DIAPH2: variants seen among roughly 807,000 people sequenced by gnomAD.
DIAPH2 encodes the protein protein diaphanous homolog 2.
Under a neutral mutation model 92.7 loss-of-function variants are expected in DIAPH2, and 35 were observed. That is an observed-to-expected ratio of 0.38 (90% CI 0.29 to 0.50). DIAPH2 has a LOEUF of 0.50. Among genes scored for constraint, DIAPH2 ranks in the 20% least tolerant of loss-of-function variants. The pLI, the probability that DIAPH2 is intolerant of heterozygous loss-of-function variation, is 0.94. For synonymous variants in DIAPH2, 301 were observed against 280.4 expected (o/e 1.07, Z -0.73); for missense variants, 701 against 819.5 (o/e 0.86, Z 1.77).
rs184146863 is a variant in DIAPH2, at chrX:96,794,336, A to G, written c.447+36078A>G. On this transcript the variant is annotated intron_variant, in intron 4 of 26. Transcript: ENST00000324765. ...CATAGTAGTATTCTTAGTGCCGAGT[A>G]CAATGCCTGAAACAAAGTAGGCATT... 8.5e-4 allele frequency among the ~76,000 whole-genome samples: 95 copies of G among 111,406 alleles called. 1 individual carries two copies. Among genetic ancestry groups the G allele is most frequent in the African/African-American group, 3.1e-3 (95 of 30,732 alleles).
chrX:97,187,281 C>CTTTTTTTTTTTTTTTTTGTTTTTTT (rs2067613723), intron 22 of DIAPH2, among the ~76,000 whole-genome samples: 1 of 36,889 alleles, frequency 2.7e-5, no homozygotes, highest in Non-Finnish European at 4.4e-5. Flanking sequence ...ATTAAGTAGC[C>CTTTTTTTTTTTTTTTTTGTTTTTTT]TTTTTTTTTT....
chrX:97,331,029 T>A (rs182615648), intron 23 of DIAPH2, among the ~76,000 whole-genome samples: 42 of 111,054 alleles, frequency 3.8e-4, no homozygotes, highest in African/African-American at 1.2e-3. Flanking sequence ...GACATTGAAA[T>A]ATATATGGTT....
At chrX:97,494,095 GTA>G (rs1176330067) in intron 26 of DIAPH2, among the ~76,000 whole-genome samples, 4 of 86,555 alleles carry the variant, frequency 4.6e-5, no homozygotes, top group Non-Finnish European at 8.8e-5. Context: ...ATATTTGTGT[GTA>G]TATATATATA....
At chrX:96,789,475 G>C (rs1333604302) in intron 4 of DIAPH2, among the ~76,000 whole-genome samples, 2 of 112,201 alleles carry the variant, frequency 1.8e-5, no homozygotes, top group African/African-American at 6.5e-5. Context: ...AACTTTGCAT[G>C]CAAGCCTTTC....
intron 3 of DIAPH2, among the ~76,000 whole-genome samples, chrX:96,745,953 G>A (rs1045237526): frequency 8.9e-6 from 1 of 111,974 alleles, no homozygotes; most frequent in Non-Finnish European, 1.9e-5. Context: ...TTGCTCTGTT[G>A]TCCAGGTTGT....
intron 4 of DIAPH2, among the ~76,000 whole-genome samples, chrX:96,857,659 C>T (rs895658147): frequency 1.8e-4 from 20 of 112,075 alleles, no homozygotes; most frequent in East Asian, 2.8e-4. Context: ...ATTGGAATAA[C>T]GAGCGTTTTC....
intron 4 of DIAPH2, among the ~76,000 whole-genome samples, chrX:96,869,364 C>A (rs180879510): frequency 0.025 from 2,774 of 110,238 alleles, 104 homozygotes; most frequent in African/African-American, 0.087. Context: ...GAGTTCGAGA[C>A]CAGCCTGGCC....
Position 96,722,352 on chromosome X carries a change from G to A in DIAPH2, c.133-13406G>A, listed in dbSNP as rs187387315. On this transcript the variant is annotated intron_variant, in intron 1 of 26. Transcript: ENST00000324765. ...AACCTGGGCAGCAGAGCGAGACTCC[G>A]TCTTAGAAAAAAAAAAAGAGAGACT... 2.7e-3 allele frequency among the ~76,000 whole-genome samples: 291 copies of A among 108,944 alleles called. 1 individual carries two copies. The highest frequency in any genetic ancestry group is 9.2e-3 in the African/African-American group (273 of 29,817). 94.6% of individuals were successfully genotyped at this position (108,944 alleles called of 115,157 possible). A position where few individuals can be genotyped will look rare whatever the true frequency, so the allele number is the denominator to read the frequency against.
chrX:97,275,917 C>T (rs984519024), intron 23 of DIAPH2, among the ~76,000 whole-genome samples: 16 of 112,490 alleles, frequency 1.4e-4, no homozygotes, highest in South Asian at 3.7e-4. Context: ...TTTGGGAGGC[C>T]AAGGCAGGCG....
At position 97,400,235 on chromosome X, in the gene DIAPH2, A is replaced by T. The variant is rs1022213916; in HGVS notation, c.3145+16191A>T. On this transcript the variant is annotated intron_variant, in intron 25 of 26. Coordinates refer to ENST00000324765, the MANE Select transcript of DIAPH2 (RefSeq NM_006729.5). The stretch of plus-strand genomic sequence containing the variant: ...GCAAAGGTTACAGTATATATAATGT[A>T]TGTGTGAATATCCACATATTATTAG... Among the ~76,000 whole-genome samples the T allele has an allele frequency of 2.7e-5, 3 of 112,556 alleles. No homozygotes were observed. The Admixed American group carries it at 2.8e-4, about 11-fold the overall frequency.
At chrX:96,980,773 A>C (rs1319010600) in intron 17 of DIAPH2, among the ~76,000 whole-genome samples, 2 of 110,077 alleles carry the variant, frequency 1.8e-5, no homozygotes, top group East Asian at 5.7e-4. Flanking sequence ...AGATCTATAT[A>C]ATTGAGTCTG....
intron 26 of DIAPH2, among the ~76,000 whole-genome samples, chrX:97,515,323 A>G (rs1325003630): frequency 2.7e-5 from 3 of 112,002 alleles, no homozygotes; most frequent in African/African-American, 9.7e-5. Context: ...GAACTCCCTG[A>G]CCCCTTGCGC....
At chrX:97,118,923 T>A (rs1472680945) in intron 21 of DIAPH2, among the ~76,000 whole-genome samples, 1 of 112,547 alleles carries the variant, frequency 8.9e-6, no homozygotes, top group Non-Finnish European at 1.9e-5. Context: ...AATTTGAGAT[T>A]GAATATTTCT....
intron 22 of DIAPH2, among the ~76,000 whole-genome samples, chrX:97,177,599 A>G (rs2067502322): frequency 9.3e-6 from 1 of 108,030 alleles, no homozygotes; most frequent in Non-Finnish European, 1.9e-5. Context: ...TTCCTTCATT[A>G]CTGCATTTTT....
intron 1 of DIAPH2, among the ~76,000 whole-genome samples, chrX:96,713,748 T>C (rs1032816773): frequency 8.9e-6 from 1 of 111,973 alleles, no homozygotes; most frequent in African/African-American, 3.3e-5. Flanking sequence ...TATGTAGCCT[T>C]TTCAGACTGG....
At chrX:96,843,143 G>A (rs1466411010) in intron 4 of DIAPH2, among the ~76,000 whole-genome samples, 2 of 110,909 alleles carry the variant, frequency 1.8e-5, no homozygotes, top group East Asian at 5.7e-4. Flanking sequence ...TACTGTCCTT[G>A]AGATACTGAG....
chrX:97,025,256 A>G (rs1326655073), intron 17 of DIAPH2, among the ~76,000 whole-genome samples: 1 of 111,230 alleles, frequency 9.0e-6, no homozygotes, highest in Non-Finnish European at 1.9e-5. Flanking sequence ...AGGTTGAGAC[A>G]GGAGAATCGT....
At chrX:97,027,751 G>A (rs1455360979) in intron 17 of DIAPH2, among the ~76,000 whole-genome samples, 2 of 112,009 alleles carry the variant, frequency 1.8e-5, no homozygotes, top group South Asian at 3.7e-4. Context: ...AGAGAGCATC[G>A]GTAGCCATTT....
intron 1 of DIAPH2, among the ~76,000 whole-genome samples, chrX:96,730,315 C>T (rs1337974309): frequency 1.8e-5 from 2 of 112,032 alleles, no homozygotes; most frequent in Non-Finnish European, 3.8e-5. Flanking sequence ...CTGAGAGGTA[C>T]TCAACTAACA....
Sources: gnomAD v4.1 joint callset for allele counts (sites outside exome capture counted in the v4.1 genomes callset) on GRCh38, gnomAD v4.1.1 for gene constraint, MANE v1.5 for transcripts, NCBI Gene and HGNC (gene_info 2026-07-23, HGNC 2026-07-21) for gene names.